The following FCHO2 variants were observed in gnomAD, a reference collection of about 807,000 sequenced individuals.
FCHO2 encodes FCH and mu domain containing endocytic adaptor 2, also known as F-BAR domain only protein 2.
Under a neutral mutation model 114.1 loss-of-function variants are expected in FCHO2, and 43 were observed. The observed-to-expected ratio is 0.38, with a 90% confidence interval of 0.30 to 0.49. The LOEUF (loss-of-function observed/expected upper bound fraction) is 0.49, where lower values mean the gene tolerates loss of function less well. Ranked by LOEUF, FCHO2 falls within the 20% of genes least tolerant of loss-of-function variation. The probability of loss-of-function intolerance (pLI) is 0.97; values close to 1 mark genes in which losing one functional copy is unlikely to be tolerated. For synonymous variants in FCHO2, 293 were observed against 315.2 expected (o/e 0.93, Z 0.75); for missense variants, 807 against 950.4 (o/e 0.85, Z 1.98).
intron 2 of FCHO2, among the ~76,000 whole-genome samples, chr5:72,978,774 A>G (rs1753019168): frequency 6.6e-6 from 1 of 152,156 alleles, no homozygotes; most frequent in African/African-American, 2.4e-5. Flanking sequence ...TTGTTTTGAG[A>G]TACATTCCAC....
intron 7 of FCHO2, among the ~76,000 whole-genome samples, chr5:73,016,168 G>A (rs905413847): frequency 2.0e-5 from 3 of 152,024 alleles, no homozygotes; most frequent in Non-Finnish European, 4.4e-5. Flanking sequence ...CTTCAAACTA[G>A]CCAGGCACGG....
In FCHO2 at chr5:73,078,432, T is replaced by C. The variant is rs570570788; in HGVS notation, c.1980+120T>C. The C allele has an allele frequency of 3.7e-5, 36 of 962,384 alleles. No homozygotes were observed. The South Asian group carries it at 5.6e-4, about 15-fold the overall frequency. The allele number at this position is 962,384 out of a possible 1,614,324, so 59.6% of individuals were successfully genotyped here. ...TTTTCCCAGAAATTCAAGGATGTTT[T>C]GAAATTAGAAAATCTGTTTATAAGC... On this transcript the variant is annotated intron_variant, in intron 22 of 25. Coordinates refer to ENST00000430046, the MANE Select transcript of FCHO2 (RefSeq NM_138782.3).
intron 16 of FCHO2, 93 bp downstream of exon 16, chr5:73,056,200 T>G: frequency 1.1e-6 from 1 of 928,490 alleles, no homozygotes; most frequent in Non-Finnish European, 1.6e-6. Flanking sequence ...AGCACAGAGA[T>G]TTCCCTTTAT....
Position 73,068,716 on chromosome 5 carries a change from G to A in FCHO2, c.1516G>A (p.Ala506Thr). The A allele has an allele frequency of 6.2e-7, 1 of 1,612,256 alleles. No individual in the cohort carries two copies. Among genetic ancestry groups the A allele is most frequent in the Non-Finnish European group, 8.5e-7 (1 of 1,178,924 alleles). The change falls in exon 19 of 26, where the codon GCA becomes ACA. Residue 506 changes from alanine to threonine, a missense_variant. Coordinates refer to ENST00000430046, the MANE Select transcript of FCHO2 (RefSeq NM_138782.3). Reference sequence around the variant, plus strand: ...ACCTCCTGCTGCACCATTAGCCCGGGCAGAAAGTTCTTCTTCTATCTCATC... The same window carrying A: ...ACCTCCTGCTGCACCATTAGCCCGGACAGAAAGTTCTTCTTCTATCTCATC... ...SPPPAAPLAR[A>T]ESSSSISSSA...
At chr5:72,963,001 A>G (rs1037987254) in intron 1 of FCHO2, among the ~76,000 whole-genome samples, 1 of 152,182 alleles carries the variant, frequency 6.6e-6, no homozygotes, top group Non-Finnish European at 1.5e-5. Flanking sequence ...GCATGACAGC[A>G]ACTGAGACCT....
chr5:73,032,408 A>C (rs1173486288), intron 8 of FCHO2, among the ~76,000 whole-genome samples: 1 of 152,112 alleles, frequency 6.6e-6, no homozygotes, highest in Non-Finnish European at 1.5e-5. Context: ...TCTATTTCAA[A>C]TGGATTTTAA....
At chr5:72,997,112 C>G in intron 5 of FCHO2, 1 of 1,163,286 alleles carries the variant, frequency 8.6e-7, no homozygotes, top group Non-Finnish European at 1.3e-6. Flanking sequence ...GGTGCTGGAT[C>G]CGGATGAGAT....
At chr5:72,986,563 C>T (rs1753533212) in intron 2 of FCHO2, among the ~76,000 whole-genome samples, 1 of 152,166 alleles carries the variant, frequency 6.6e-6, no homozygotes, top group Non-Finnish European at 1.5e-5. Flanking sequence ...TTTTCTAATG[C>T]TTTTCAGTTA....
intron 5 of FCHO2, among the ~76,000 whole-genome samples, chr5:72,994,461 A>G (rs1036581354): frequency 2.6e-5 from 4 of 152,218 alleles, no homozygotes; most frequent in Non-Finnish European, 5.9e-5. Context: ...CAGAATGACT[A>G]TTATTAAAAA....
intron 9 of FCHO2, among the ~76,000 whole-genome samples, chr5:73,035,253 A>G (rs981064019): frequency 1.1e-4 from 17 of 152,086 alleles, no homozygotes; most frequent in African/African-American, 4.1e-4. Flanking sequence ...CCCCATCTCT[A>G]CAAAAAAACT....
At position 73,068,723 on chromosome 5, in the gene FCHO2, GTTC is replaced by G. The variant is rs771640279; in HGVS notation, c.1531_1533del (p.Ser511del). On this transcript the variant is annotated inframe_deletion, in exon 19 of 26. Transcript: ENST00000430046. ...GCTGCACCATTAGCCCGGGCAGAAAGTTCTTCTTCTATCTCATCATCTGCTTCA... is the reference window on the plus strand; with the variant it reads ...GCTGCACCATTAGCCCGGGCAGAAAGTTCTTCTATCTCATCATCTGCTTCA... 5.8e-5 allele frequency: 93 copies of G among 1,612,378 alleles called. No individual in the cohort carries two copies. The highest frequency in any genetic ancestry group is 7.5e-5 in the Non-Finnish European group (88 of 1,178,962).
intron 2 of FCHO2, among the ~76,000 whole-genome samples, chr5:72,973,132 A>G (rs1294659535): frequency 1.3e-5 from 2 of 152,168 alleles, no homozygotes; most frequent in African/African-American, 2.4e-5. Context: ...TTTTGCATCA[A>G]TGTTCATCAA....
At chr5:72,965,409 A>G (rs993645949) in intron 1 of FCHO2, among the ~76,000 whole-genome samples, 7 of 152,252 alleles carry the variant, frequency 4.6e-5, no homozygotes, top group African/African-American at 1.7e-4. Context: ...GCTAATGCTA[A>G]CAGGGAAGAA....
intron 5 of FCHO2, among the ~76,000 whole-genome samples, chr5:72,992,557 A>T (rs1753863509): frequency 6.6e-6 from 1 of 152,158 alleles, no homozygotes; most frequent in South Asian, 2.1e-4. Context: ...CCCTCTTAGG[A>T]TGAGGTACAA....
chr5:72,964,056 GT>G (rs1423613322), intron 1 of FCHO2, among the ~76,000 whole-genome samples: 3 of 151,700 alleles, frequency 2.0e-5, no homozygotes, highest in African/African-American at 7.3e-5. Context: ...TGTTGGTTTA[GT>G]TTTTTTATTT....
intron 11 of FCHO2, among the ~76,000 whole-genome samples, chr5:73,047,167 A>G (rs1580162093): frequency 6.6e-6 from 1 of 152,150 alleles, no homozygotes. Flanking sequence ...CTGTTTGTGC[A>G]TGTGTTTATA....
At chr5:72,969,952 A>G (rs1752428668) in intron 2 of FCHO2, among the ~76,000 whole-genome samples, 1 of 152,098 alleles carries the variant, frequency 6.6e-6, no homozygotes, top group African/African-American at 2.4e-5. Flanking sequence ...GGCCCTCAGT[A>G]AAGGTTTTTC....
intron 17 of FCHO2, among the ~76,000 whole-genome samples, chr5:73,060,870 C>G (rs1047615855): frequency 6.6e-6 from 1 of 151,904 alleles, no homozygotes; most frequent in African/African-American, 2.4e-5. Context: ...ATGTTTATGT[C>G]AGATATGAAT....
intron 5 of FCHO2, chr5:72,997,151 C>A: frequency 9.0e-7 from 1 of 1,106,560 alleles, no homozygotes; most frequent in Non-Finnish European, 1.4e-6. Context: ...TGATGGGGTC[C>A]TGAGGCTCAC....
Sources: allele counts gnomAD v4.1 joint callset (sites outside exome capture counted in the v4.1 genomes callset), GRCh38; gene constraint gnomAD v4.1.1; transcripts MANE v1.5; gene names NCBI Gene and HGNC (gene_info 2026-07-23, HGNC 2026-07-21).